The following ANO2 variants were observed in gnomAD, a reference collection of about 807,000 sequenced individuals.
ANO2 encodes the protein anoctamin 2.
A neutral mutation model predicts 124.2 loss-of-function variants in ANO2; 101 were observed. The ratio of observed to expected loss-of-function variants is 0.81; its 90% CI spans 0.69 to 0.96. ANO2 has a LOEUF of 0.96. Among genes scored for constraint, ANO2 ranks in the 40% least tolerant of loss-of-function variants. The pLI is 0.00. For synonymous variants in ANO2, 486 were observed against 482.5 expected (o/e 1.01, Z -0.09); for missense variants, 1,293 against 1,274.5 (o/e 1.01, Z -0.22).
rs141753927 is a variant in ANO2 at position 5,695,165 on chromosome 12, T to G, written c.1545+37355A>C. On this transcript the variant is annotated intron_variant, in intron 14 of 24. Coordinates refer to ENST00000682330, the MANE Select transcript of ANO2 (RefSeq NM_001364791.2). ...AAAAGGAAATGGTCCTCATTAAATTTTTGTGTTAGAGTAGAGAGCACTCCA... is the reference window on the plus strand; with the variant it reads ...AAAAGGAAATGGTCCTCATTAAATTGTTGTGTTAGAGTAGAGAGCACTCCA... Among the ~76,000 whole-genome samples, 474 of 152,324 alleles carry G rather than the reference T, an allele frequency of 3.1e-3. 2 individuals are homozygous for G. Among genetic ancestry groups the G allele is most frequent in the African/African-American group, 0.011 (453 of 41,576 alleles).
intron 3 of ANO2, among the ~76,000 whole-genome samples, chr12:5,855,682 T>G (rs1955075733): frequency 6.6e-6 from 1 of 152,176 alleles, no homozygotes; most frequent in Non-Finnish European, 1.5e-5. Context: ...TCACACAATA[T>G]TTGCAACTAT....
intron 14 of ANO2, among the ~76,000 whole-genome samples, chr12:5,696,074 TGA>T (rs926992145): frequency 5.9e-5 from 9 of 151,590 alleles, no homozygotes; most frequent in African/African-American, 2.2e-4. Context: ...TGCAAATTAA[TGA>T]GTTAAACATC....
intron 4 of ANO2, among the ~76,000 whole-genome samples, chr12:5,833,990 A>G (rs1954237154): frequency 1.3e-5 from 2 of 152,056 alleles, no homozygotes; most frequent in Non-Finnish European, 2.9e-5. Flanking sequence ...GAGAGTACCC[A>G]GTAAGGGAAA....
intron 2 of ANO2, among the ~76,000 whole-genome samples, chr12:5,922,080 G>A (rs1210875619): frequency 2.6e-5 from 4 of 152,144 alleles, no homozygotes; most frequent in African/African-American, 9.7e-5. Context: ...ACTGGTGAGG[G>A]CCCTTTCAAA....
At chr12:5,858,521 T>C (rs1181468883) in intron 3 of ANO2, 1 of 152,102 alleles carries the variant, frequency 6.6e-6, no homozygotes, top group Non-Finnish European at 1.5e-5. Context: ...CGGAGACCTA[T>C]GCCTCAATTA....
intron 6 of ANO2, 110 bp from the exon 7 acceptor site, chr12:5,827,930 G>C (rs1954029196): frequency 8.3e-7 from 1 of 1,200,410 alleles, no homozygotes; most frequent in Non-Finnish European, 1.2e-6. Flanking sequence ...GGCTCATTTG[G>C]AGCCAGGACG....
intron 3 of ANO2, among the ~76,000 whole-genome samples, chr12:5,905,288 G>A: frequency 6.6e-6 from 1 of 152,210 alleles, no homozygotes; most frequent in East Asian, 1.9e-4. Context: ...CCTGGGGGCA[G>A]TGCTGGGATG....
chr12:5,776,114 G>A (rs529035989), intron 10 of ANO2, among the ~76,000 whole-genome samples: 4 of 152,238 alleles, frequency 2.6e-5, no homozygotes, highest in South Asian at 2.1e-4. Context: ...CACTGTTGGC[G>A]AACATATGTC....
chr12:5,882,338 T>G (rs906371506), intron 3 of ANO2, among the ~76,000 whole-genome samples: 2 of 152,184 alleles, frequency 1.3e-5, no homozygotes, highest in African/African-American at 4.8e-5. Context: ...GAGAAACAGT[T>G]TGGAGTTATT....
intron 16 of ANO2, among the ~76,000 whole-genome samples, chr12:5,629,854 G>C (rs1945617097): frequency 6.6e-6 from 1 of 152,156 alleles, no homozygotes; most frequent in Non-Finnish European, 1.5e-5. Flanking sequence ...ACCACCCCAG[G>C]GTTCAGCTCA....
chr12:5,841,906 G>A (rs755244629), intron 4 of ANO2, among the ~76,000 whole-genome samples: 25 of 152,054 alleles, frequency 1.6e-4, no homozygotes, highest in Non-Finnish European at 2.9e-4. Flanking sequence ...ATCTCACTCT[G>A]TCACCCAGGC....
At position 5,900,582 on chromosome 12, in the gene ANO2, A is replaced by C. The variant is rs1175956596; in HGVS notation, c.534+20458T>G. On this transcript the variant is annotated intron_variant, in intron 3 of 24. Transcript: ENST00000682330. This position sits in a 1 kb window ranked among gnomAD's most constrained non-coding sequence, Gnocchi z 4.2. ...TGGAAAACAACAACAACAACAACAA[A>C]AAACTAAAGTGAACTCTCCCTTTAA... Among the ~76,000 whole-genome samples, 8 of 137,998 alleles carry C rather than the reference A, an allele frequency of 5.8e-5. No individual in the cohort carries two copies. The highest frequency in any genetic ancestry group is 1.2e-4 in the Non-Finnish European group (8 of 64,772). 90.5% of individuals were successfully genotyped at this position (137,998 alleles called of 152,430 possible).
intron 20 of ANO2, among the ~76,000 whole-genome samples, chr12:5,597,819 A>T (rs1402380661): frequency 6.6e-6 from 1 of 152,234 alleles, no homozygotes; most frequent in East Asian, 1.9e-4. Flanking sequence ...CGTCTGAAAT[A>T]TGAGCAATAT....
At chr12:5,718,407 G>T (rs1467953236) in intron 14 of ANO2, among the ~76,000 whole-genome samples, 1 of 152,200 alleles carries the variant, frequency 6.6e-6, no homozygotes, top group Admixed American at 6.5e-5. Context: ...GTGAACAAGG[G>T]TTTGGAGCAT....
chr12:5,905,202 T>C (rs751822545), intron 3 of ANO2, among the ~76,000 whole-genome samples: 1 of 152,170 alleles, frequency 6.6e-6, no homozygotes, highest in East Asian at 1.9e-4. Context: ...CTGTTGCGTG[T>C]TAGGGCCGTG....
chr12:5,767,359 AG>A (rs1951928312), intron 10 of ANO2, among the ~76,000 whole-genome samples: 1 of 152,314 alleles, frequency 6.6e-6, no homozygotes, highest in East Asian at 1.9e-4. Flanking sequence ...AGACAGCAAA[AG>A]TCTCTCCTTG....
chr12:5,874,498 A>G (rs1937954658), intron 3 of ANO2, among the ~76,000 whole-genome samples: 1 of 152,192 alleles, frequency 6.6e-6, no homozygotes, highest in South Asian at 2.1e-4. Flanking sequence ...ACAGGGCCTC[A>G]AATCCATACA....
intron 15 of ANO2, among the ~76,000 whole-genome samples, chr12:5,641,711 A>G (rs2136948508): frequency 1.3e-5 from 2 of 152,330 alleles, no homozygotes; most frequent in Admixed American, 1.3e-4. Context: ...GACCCCAGGC[A>G]TAGTGAGATT....
chr12:5,743,958 A>G (rs552130319), intron 12 of ANO2, among the ~76,000 whole-genome samples, 199 bp downstream of exon 12: 9 of 152,344 alleles, frequency 5.9e-5, no homozygotes, highest in African/African-American at 1.9e-4. Flanking sequence ...GAGAAAACAG[A>G]TAAAGACATG....
Sources: allele counts gnomAD v4.1 joint callset (sites outside exome capture counted in the v4.1 genomes callset), GRCh38; gene constraint gnomAD v4.1.1; non-coding constraint Gnocchi (gnomAD v3.1); transcripts MANE v1.5; gene names NCBI Gene and HGNC (gene_info 2026-07-23, HGNC 2026-07-21).